PPP6R2: variants seen among roughly 807,000 people sequenced by gnomAD.
The protein encoded by PPP6R2 is serine/threonine-protein phosphatase 6 regulatory subunit 2.
PPP6R2 carries 62 observed loss-of-function variants against 100.2 expected under a neutral mutation model. The ratio of observed to expected loss-of-function variants is 0.62; its 90% CI spans 0.50 to 0.76. The LOEUF (loss-of-function observed/expected upper bound fraction) is 0.76, where lower values mean the gene tolerates loss of function less well. Among genes scored for constraint, PPP6R2 ranks in the 30% least tolerant of loss-of-function variants. The pLI, the probability that PPP6R2 is intolerant of heterozygous loss-of-function variation, is 0.00. For synonymous variants in PPP6R2, 525 were observed against 514.7 expected, an observed-to-expected ratio of 1.02 and a Z score of -0.27; for missense variants, 1,142 against 1,276.3, an observed-to-expected ratio of 0.89 and a Z score of 1.60.
intron 3 of PPP6R2, among the ~76,000 whole-genome samples, chr22:50,403,881 C>T (rs538953676): frequency 2.1e-4 from 32 of 152,286 alleles, no homozygotes; most frequent in African/African-American, 7.2e-4. Flanking sequence ...GGCTGCCAGG[C>T]CTGGCCAGCT....
Position 50,443,973 on chromosome 22 carries a change from CCACAG to C in PPP6R2, c.2691_2695del (p.Ala898GlufsTer93). On this transcript the variant is annotated frameshift_variant, in exon 23 of 24. Transcript: ENST00000612753. LOFTEE classifies it high-confidence loss of function. Reference sequence around the variant, plus strand: ...CCCCCCGAGGCTACTGTGGCCATCACCACAGCACTGAGCAAGGCTGGCCCCGCCAT... The same window carrying C: ...CCCCCCGAGGCTACTGTGGCCATCACCACTGAGCAAGGCTGGCCCCGCCAT... 2 of 1,612,470 alleles carry C rather than the reference CCACAG, an allele frequency of 1.2e-6. No homozygotes were observed. Among genetic ancestry groups the C allele is most frequent in the Non-Finnish European group, 1.7e-6 (2 of 1,179,740 alleles).
chr22:50,343,214 G>A (rs2042608147), upstream of PPP6R2: 3 of 151,214 alleles, frequency 2.0e-5, no homozygotes, highest in Admixed American at 2.0e-4. Context: ...CAGGGGGCCC[G>A]GAGAGCCGGC....
At chr22:50,408,464 A>G (rs1329247806) in intron 4 of PPP6R2, among the ~76,000 whole-genome samples, 1 of 152,096 alleles carries the variant, frequency 6.6e-6, no homozygotes, top group Non-Finnish European at 1.5e-5. Flanking sequence ...GGACTGCCTC[A>G]CCTCAGCTCC....
Position 50,427,757 on chromosome 22 carries a change from G to A in PPP6R2, c.1126-3416G>A, listed in dbSNP as rs146381511. ...GTTTTTTTTGAGACCGAGTCTCGCT[G>A]TCGCCCAGGCTGGAGTGCAGTGGCG... On this transcript the variant is annotated intron_variant, in intron 10 of 23. Coordinates refer to ENST00000612753, the MANE Select transcript of PPP6R2 (RefSeq NM_001242898.2). Among the ~76,000 whole-genome samples the A allele has an allele frequency of 1.5e-3, 230 of 152,160 alleles. 6 individuals carry two copies. The East Asian group carries it at 0.044, about 29-fold the overall frequency.
intron 1 of PPP6R2, among the ~76,000 whole-genome samples, chr22:50,366,311 C>CTT (rs556380235): frequency 3.6e-5 from 5 of 137,564 alleles, no homozygotes; most frequent in Non-Finnish European, 4.8e-5. Context: ...TCCCTCTCAT[C>CTT]TTTTTTTTTT....
chr22:50,370,734 A>T (rs1406115337), intron 1 of PPP6R2, among the ~76,000 whole-genome samples: 1 of 151,772 alleles, frequency 6.6e-6, no homozygotes, highest in Non-Finnish European at 1.5e-5. Context: ...CCCGGGTTCA[A>T]GTGATTCTCC....
In PPP6R2 at chr22:50,431,117, G is replaced by GAGAAAAC. The variant is rs1410056195; in HGVS notation, c.1126-56_1126-55insAGAAAAC. The GAGAAAAC allele has an allele frequency of 2.1e-6, 3 of 1,425,402 alleles. No homozygotes were observed. The highest frequency in any genetic ancestry group is 2.9e-6 in the Non-Finnish European group (3 of 1,019,936). The allele number at this position is 1,425,402 out of a possible 1,614,324, so 88.3% of individuals were successfully genotyped here. On this transcript the variant is annotated intron_variant, in intron 10 of 23. Transcript: ENST00000612753. The surrounding 1 kb of genome is among the most constrained non-coding windows in gnomAD (Gnocchi z 4.8). The stretch of plus-strand genomic sequence containing the variant: ...GAAGGGTTTCCCTCAGCTTTGTGGT[G>GAGAAAAC]TAGCCGGCAGGAGAAAACCGATCTA...
intron 2 of PPP6R2, among the ~76,000 whole-genome samples, chr22:50,388,657 A>C (rs1294759814): frequency 6.6e-6 from 1 of 152,118 alleles, no homozygotes; most frequent in Non-Finnish European, 1.5e-5. Flanking sequence ...GCAGATCACA[A>C]GGTCAGGAGT....
At chr22:50,377,214 G>C (rs1044862174) in intron 2 of PPP6R2, among the ~76,000 whole-genome samples, 1 of 152,088 alleles carries the variant, frequency 6.6e-6, no homozygotes, top group African/African-American at 2.4e-5. Flanking sequence ...AGTACTTTGG[G>C]AGGTAGAGGT....
chr22:50,441,189 C>CG, intron 22 of PPP6R2, 163 bp downstream of exon 22: 1 of 666,408 alleles, frequency 1.5e-6, no homozygotes, highest in Non-Finnish European at 2.5e-6. Flanking sequence ...CTGGCTGAGG[C>CG]GGCGGTGGTG....
rs2063101788 is a variant in PPP6R2, at chr22:50,431,322, C to T, written c.1275C>T (p.Asn425=). The change falls in exon 11 of 24, where the codon AAC becomes AAT. Residue 425 remains asparagine, a synonymous_variant. Transcript: ENST00000612753. This position sits in a 1 kb window ranked among gnomAD's most constrained non-coding sequence, Gnocchi z 4.8. ...TGGAGCCTCCGCATGAGAACGGGAACCGGAGCCTGGAGACTCCCCAGCCGG... is the reference window on the plus strand; with the variant it reads ...TGGAGCCTCCGCATGAGAACGGGAATCGGAGCCTGGAGACTCCCCAGCCGG... The part of the protein sequence containing the change: ...SRVEPPHENG[N]RSLETPQPAA... The T allele has an allele frequency of 6.2e-7, 1 of 1,613,212 alleles. No homozygotes were observed. Among genetic ancestry groups the T allele is most frequent in the Non-Finnish European group, 8.5e-7 (1 of 1,180,018 alleles).
intron 2 of PPP6R2, among the ~76,000 whole-genome samples, chr22:50,377,613 A>G (rs2051892538): frequency 6.6e-6 from 1 of 152,206 alleles, no homozygotes; most frequent in Non-Finnish European, 1.5e-5. Context: ...CAAATGTCTA[A>G]TGGATGTTTA....
intron 1 of PPP6R2, among the ~76,000 whole-genome samples, chr22:50,359,469 G>A (rs368303444): frequency 3.3e-5 from 5 of 152,112 alleles, no homozygotes; most frequent in South Asian, 2.1e-4. Flanking sequence ...TGCCCGCCTC[G>A]GCCTCCCAAA....
chr22:50,436,233 GC>G, intron 13 of PPP6R2, 133 bp from the exon 14 acceptor site: 1 of 721,752 alleles, frequency 1.4e-6, no homozygotes, highest in South Asian at 1.8e-5. Context: ...CCTGCTTCAG[GC>G]CCTCAGACGG....
At chr22:50,400,308 C>T (rs986143493) in intron 3 of PPP6R2, among the ~76,000 whole-genome samples, 1 of 152,220 alleles carries the variant, frequency 6.6e-6, no homozygotes, top group Non-Finnish European at 1.5e-5. Context: ...TCCTCTTCTT[C>T]GGTTGACTTC....
intron 3 of PPP6R2, among the ~76,000 whole-genome samples, chr22:50,396,749 G>A (rs1039532470): frequency 7.2e-5 from 11 of 152,170 alleles, no homozygotes; most frequent in Admixed American, 7.2e-4. Flanking sequence ...TGTGGCAGGG[G>A]GTGGTCAGTA....
intron 21 of PPP6R2, 154 bp from the exon 22 acceptor site, chr22:50,440,668 G>A: frequency 1.2e-6 from 1 of 832,548 alleles, no homozygotes; most frequent in Non-Finnish European, 1.9e-6. Flanking sequence ...GCGTGAGCCT[G>A]TCTGCCTCAT....
chr22:50,400,763 G>A (rs2057886656), intron 3 of PPP6R2, among the ~76,000 whole-genome samples: 1 of 152,198 alleles, frequency 6.6e-6, no homozygotes, highest in Non-Finnish European at 1.5e-5. Flanking sequence ...GATATCCCGA[G>A]TAGACAAATG....
intron 10 of PPP6R2, among the ~76,000 whole-genome samples, chr22:50,429,277 C>G (rs2062730453): frequency 1.3e-5 from 2 of 152,322 alleles, no homozygotes; most frequent in South Asian, 2.1e-4. Context: ...GTGATCCACC[C>G]TCCTCGGCCT....
Sources: allele counts gnomAD v4.1 joint callset (sites outside exome capture counted in the v4.1 genomes callset), GRCh38; gene constraint gnomAD v4.1.1; non-coding constraint Gnocchi (gnomAD v3.1); transcripts MANE v1.5; gene names NCBI Gene and HGNC (gene_info 2026-07-23, HGNC 2026-07-21).